PDXDC1: variants seen among roughly 807,000 people sequenced by gnomAD.
The protein encoded by PDXDC1 is pyridoxal-dependent decarboxylase domain-containing protein 1.
A neutral mutation model predicts 100.1 loss-of-function variants in PDXDC1; 42 were observed. The observed-to-expected ratio is 0.42, with a 90% CI of 0.33 to 0.54. PDXDC1 has a LOEUF of 0.54. Among genes scored for constraint, PDXDC1 ranks in the 20% least tolerant of loss-of-function variants. The pLI is 0.10. For missense variants in PDXDC1, 636 were observed against 979.2 expected, an observed-to-expected ratio of 0.65 and a Z score of 4.68; for synonymous variants, 260 against 371.7, an observed-to-expected ratio of 0.70 and a Z score of 3.46.
At chr16:14,983,460 C>T (rs11864304) in intron 1 of PDXDC1, among the ~76,000 whole-genome samples, 5 of 151,976 alleles carry the variant, frequency 3.3e-5, no homozygotes, top group African/African-American at 1.2e-4. Context: ...GTGGTCCCAG[C>T]TAATTGGGAG....
At chr16:14,990,815 G>A (rs1171606756) in intron 1 of PDXDC1, among the ~76,000 whole-genome samples, 2 of 152,264 alleles carry the variant, frequency 1.3e-5, no homozygotes, top group African/African-American at 2.4e-5. Context: ...ATTTCAGCTC[G>A]CTGCAGCCTC....
downstream of PDXDC1, chr16:15,038,681 T>C: frequency 6.5e-7 from 1 of 1,546,228 alleles, no homozygotes; most frequent in Non-Finnish European, 8.9e-7. Flanking sequence ...TCATAAATGC[T>C]AATCATCTAA....
the PDXDC1 span, among the ~76,000 whole-genome samples, chr16:15,146,821 A>C: frequency 6.6e-6 from 1 of 151,874 alleles, no homozygotes; most frequent in African/African-American, 2.4e-5. Flanking sequence ...TTAACAAGGT[A>C]TGATTGTTGG....
At chr16:14,977,127 TG>T (rs1343019792) in intron 1 of PDXDC1, among the ~76,000 whole-genome samples, 27 of 152,278 alleles carry the variant, frequency 1.8e-4, no homozygotes, top group Non-Finnish European at 3.1e-4. Context: ...CAAGAGGGAC[TG>T]AAATTCCAGT....
intron 1 of PDXDC1, among the ~76,000 whole-genome samples, chr16:14,978,336 AC>A (rs1289864136): frequency 6.6e-6 from 1 of 152,298 alleles, no homozygotes; most frequent in Non-Finnish European, 1.5e-5. Flanking sequence ...GGAAGTAATC[AC>A]TATAATGATG....
At chr16:14,986,523 G>A (rs1313259480) in intron 1 of PDXDC1, among the ~76,000 whole-genome samples, 2 of 152,292 alleles carry the variant, frequency 1.3e-5, no homozygotes, top group African/African-American at 4.8e-5. Context: ...CTCTTCTTAG[G>A]AAAGGAGAAT....
chr16:14,993,491 C>T (rs1344803683), intron 1 of PDXDC1, among the ~76,000 whole-genome samples: 1 of 152,284 alleles, frequency 6.6e-6, no homozygotes, highest in Admixed American at 6.5e-5. Flanking sequence ...TTTATGGCTG[C>T]ATAGTATTCC....
rs551522493 is a variant in PDXDC1 at position 15,085,802 on chromosome 16, G to C, written c.1400-53077G>C. The C allele has an allele frequency of 9.9e-4, 1,474 of 1,486,606 alleles. 2 individuals carry two copies. Among genetic ancestry groups the C allele is most frequent in the Non-Finnish European group, 1.2e-3 (1,343 of 1,101,430 alleles). The allele number at this position is 1,486,606 out of a possible 1,614,324, so 92.1% of individuals were successfully genotyped here. A position where few individuals can be genotyped will look rare whatever the true frequency, so the allele number is the denominator to read the frequency against. Reference sequence around the variant, plus strand: ...TAGACAATGAACAGCTATAAAAAAAGTTATTTTTCCATAATCCAAAGTTAG... The same window carrying C: ...TAGACAATGAACAGCTATAAAAAAACTTATTTTTCCATAATCCAAAGTTAG... On this transcript the variant is annotated intron_variant, in intron 16 of 16. Coordinates refer to the PDXDC1 transcript ENST00000535621.
At chr16:15,033,196 G>C in intron 18 of PDXDC1, 82 bp from the exon 19 acceptor site, 1 of 1,497,306 alleles carries the variant, frequency 6.7e-7, no homozygotes, top group Non-Finnish European at 9.3e-7. Context: ...TGTGTGGTCA[G>C]GACCCTGAAC....
At chr16:15,064,892 C>G (rs1388972685) in intron 16 of PDXDC1, among the ~76,000 whole-genome samples, 1 of 152,190 alleles carries the variant, frequency 6.6e-6, no homozygotes, top group South Asian at 2.1e-4. Context: ...CCTGGCCGGG[C>G]GCGGTGGCTC....
chr16:15,144,490 G>C, the PDXDC1 span, among the ~76,000 whole-genome samples: 1 of 152,282 alleles, frequency 6.6e-6, no homozygotes, highest in East Asian at 1.9e-4. Flanking sequence ...GGCCCCACGA[G>C]GGGTGGGGGT....
Position 14,975,142 on chromosome 16 carries a change from G to T in PDXDC1, c.-58G>T. 1 of 1,467,994 alleles carries T rather than the reference G, an allele frequency of 6.8e-7. No homozygotes were observed. The highest frequency in any genetic ancestry group is 8.9e-7 in the Non-Finnish European group (1 of 1,119,972). 90.9% of individuals were successfully genotyped at this position (1,467,994 alleles called of 1,614,324 possible). On this transcript the variant is annotated 5_prime_UTR_variant, in exon 1 of 23. Coordinates refer to ENST00000396410, the MANE Select transcript of PDXDC1 (RefSeq NM_015027.4). ...GCTGCCAGCGTGGAAGGAGCTGCGGGGCGCGGGAGGAGGAAGTAGAGCCCG... is the reference window on the plus strand; with the variant it reads ...GCTGCCAGCGTGGAAGGAGCTGCGGTGCGCGGGAGGAGGAAGTAGAGCCCG...
chr16:15,085,124 C>T (rs905292629), intron 16 of PDXDC1, among the ~76,000 whole-genome samples: 15 of 152,014 alleles, frequency 9.9e-5, no homozygotes, highest in Admixed American at 5.9e-4. Flanking sequence ...CTAACCAAAA[C>T]GGAATAATTT....
chr16:15,022,815 G>A (rs1291716355), intron 13 of PDXDC1, 61 bp downstream of exon 13: 19 of 1,314,196 alleles, frequency 1.4e-5, no homozygotes, highest in Non-Finnish European at 2.0e-5. Flanking sequence ...CAGCAACTTT[G>A]AATGATTTTA....
At chr16:15,049,328 C>T (rs72774841) in intron 16 of PDXDC1, among the ~76,000 whole-genome samples, 3,346 of 152,296 alleles carry the variant, frequency 0.022, 73 homozygotes, top group Middle Eastern at 0.058. Flanking sequence ...CATACCTGGC[C>T]TCCGCTTTTT....
intron 16 of PDXDC1, among the ~76,000 whole-genome samples, chr16:15,090,542 T>A (rs879064526): frequency 1.3e-5 from 2 of 152,234 alleles, no homozygotes; most frequent in Non-Finnish European, 2.9e-5. Context: ...AAGGCTGTAG[T>A]GCACTATGAT....
chr16:14,990,993 C>A (rs1367792098), intron 1 of PDXDC1, among the ~76,000 whole-genome samples: 1 of 152,288 alleles, frequency 6.6e-6, no homozygotes, highest in Non-Finnish European at 1.5e-5. Flanking sequence ...CCGTCAACCT[C>A]GGCCTCCCAA....
chr16:15,088,649 C>T (rs568596663), intron 16 of PDXDC1, among the ~76,000 whole-genome samples: 2 of 152,138 alleles, frequency 1.3e-5, no homozygotes, highest in East Asian at 3.9e-4. Flanking sequence ...GATGCTTCAG[C>T]TGTCTTTAAA....
chr16:14,975,682 G>A (rs1966717320), intron 1 of PDXDC1: 3 of 985,126 alleles, frequency 3.0e-6, no homozygotes, highest in Admixed American at 6.1e-5. Context: ...CCAAAGCAGT[G>A]GTTTTCCAAC....
Sources: gnomAD v4.1 joint callset for allele counts (sites outside exome capture counted in the v4.1 genomes callset) on GRCh38, gnomAD v4.1.1 for gene constraint, MANE v1.5 for transcripts, NCBI Gene and HGNC (gene_info 2026-07-23, HGNC 2026-07-21) for gene names.